Variants in NLGN1 observed in about 807,000 individuals in gnomAD.
NLGN1 encodes neuroligin-1.
A neutral mutation model predicts 65.5 loss-of-function variants in NLGN1; 12 were observed. That is an observed-to-expected ratio of 0.18 (90% CI 0.12 to 0.30). The LOEUF (loss-of-function observed/expected upper bound fraction) is 0.30, where lower values mean the gene tolerates loss of function less well. NLGN1 is among the 10% of genes least tolerant of loss of function. NLGN1 has a pLI of 1.00. For synonymous variants in NLGN1, 350 were observed against 359.5 expected (o/e 0.97, Z 0.30); for missense variants, 750 against 1,007.1 (o/e 0.74, Z 3.46).
chr3:173,809,633 A>G (rs567056545), intron 4 of NLGN1, among the ~76,000 whole-genome samples: 162 of 152,278 alleles, frequency 1.1e-3, no homozygotes, highest in South Asian at 9.7e-3. Context: ...CTGTTTATAT[A>G]AAGCAAGATT....
chr3:174,197,416 C>T lies in NLGN1; in HGVS notation c.647-77899C>T, dbSNP rs983961797. Among the ~76,000 whole-genome samples the T allele has an allele frequency of 3.3e-5, 5 of 149,740 alleles. No individual in the cohort carries two copies. In the Admixed American group the frequency reaches 3.4e-4, roughly 10 times the overall value. On this transcript the variant is annotated intron_variant, in intron 4 of 6. Transcript: ENST00000457714. ...TCAGATACAGAGTGAATAAGTGAGC[C>T]GTACTAGGATAAATGAATTCCAAAT...
chr3:173,798,997 G>C (rs980792337), intron 3 of NLGN1, among the ~76,000 whole-genome samples: 1 of 151,922 alleles, frequency 6.6e-6, no homozygotes, highest in Non-Finnish European at 1.5e-5. Flanking sequence ...TCTCGGAAAA[G>C]ACTTAGAAAT....
chr3:173,873,163 AC>A (rs1311790090), intron 4 of NLGN1, among the ~76,000 whole-genome samples: 1 of 150,908 alleles, frequency 6.6e-6, no homozygotes, highest in East Asian at 2.0e-4. Flanking sequence ...ATGTCAGCTC[AC>A]TGCAACCTCT....
chr3:173,606,101 T>G (rs1751373019), intron 3 of NLGN1, among the ~76,000 whole-genome samples: 1 of 152,108 alleles, frequency 6.6e-6, no homozygotes, highest in Non-Finnish European at 1.5e-5. Context: ...TTATTATTAT[T>G]AAGGTAATAG....
intron 1 of NLGN1, among the ~76,000 whole-genome samples, chr3:173,413,840 G>C (rs1304782864): frequency 1.3e-5 from 2 of 152,128 alleles, no homozygotes; most frequent in Admixed American, 6.5e-5. Flanking sequence ...TGGGCAAAAG[G>C]TTTCAAGAAC....
At chr3:173,902,044 T>C (rs1737476175) in intron 4 of NLGN1, among the ~76,000 whole-genome samples, 1 of 152,150 alleles carries the variant, frequency 6.6e-6, no homozygotes, top group Admixed American at 6.6e-5. Context: ...AAAATTTGGT[T>C]CCCTACACAG....
At chr3:173,503,360 C>T (rs1363466681) in intron 2 of NLGN1, among the ~76,000 whole-genome samples, 1 of 151,962 alleles carries the variant, frequency 6.6e-6, no homozygotes, top group Admixed American at 6.6e-5. Flanking sequence ...GTTCTAAATC[C>T]CTTGGGTGTT....
intron 4 of NLGN1, among the ~76,000 whole-genome samples, chr3:174,104,038 CT>C (rs978043475): frequency 3.3e-5 from 5 of 151,888 alleles, no homozygotes; most frequent in Non-Finnish European, 7.4e-5. Flanking sequence ...TGATATTTTA[CT>C]TTATCTTTTA....
intron 2 of NLGN1, among the ~76,000 whole-genome samples, chr3:173,545,549 T>A (rs991578156): frequency 5.3e-5 from 8 of 152,146 alleles, no homozygotes; most frequent in East Asian, 1.9e-4. Context: ...TTGGTTTTTT[T>A]AAAAATCTGA....
intron 4 of NLGN1, among the ~76,000 whole-genome samples, chr3:174,124,578 T>TATATACGTATATATACGTATACAC (rs1561100221): frequency 7.5e-5 from 6 of 80,462 alleles, no homozygotes; most frequent in African/African-American, 2.4e-4. Flanking sequence ...CGTATACACA[T>TATATACGTATATATACGTATACAC]ATATACGTAT....
At chr3:173,994,236 C>T (rs1390336212) in intron 4 of NLGN1, among the ~76,000 whole-genome samples, 2 of 151,850 alleles carry the variant, frequency 1.3e-5, no homozygotes, top group Admixed American at 1.3e-4. Flanking sequence ...GCCTCCTGAG[C>T]AGCTGAGACT....
intron 2 of NLGN1, among the ~76,000 whole-genome samples, chr3:173,538,879 T>TTC (rs1737911672): frequency 6.6e-6 from 1 of 151,836 alleles, no homozygotes; most frequent in Non-Finnish European, 1.5e-5. Context: ...CATGGTTTTT[T>TTC]TTTTTTTGCT....
At position 174,062,759 on chromosome 3, in the gene NLGN1, A is replaced by G. The variant is rs530935007; in HGVS notation, c.647-212556A>G. 9.9e-5 allele frequency among the ~76,000 whole-genome samples: 15 copies of G among 152,158 alleles called. No individual in the cohort carries two copies. The East Asian group carries it at 2.9e-3, about 29-fold the overall frequency. ...TGTGATGAAAGAAACAATATTTATT[A>G]ATACATTTTTCTTTTATCTCTTTAG... On this transcript the variant is annotated intron_variant, in intron 4 of 6. Transcript: ENST00000457714.
chr3:173,689,537 T>C (rs923811138), intron 3 of NLGN1, among the ~76,000 whole-genome samples: 1 of 152,174 alleles, frequency 6.6e-6, no homozygotes, highest in Non-Finnish European at 1.5e-5. Flanking sequence ...CCACAGTCTT[T>C]TCCTGTAGGC....
At chr3:173,754,532 A>G (rs1203675744) in intron 3 of NLGN1, among the ~76,000 whole-genome samples, 1 of 152,048 alleles carries the variant, frequency 6.6e-6, no homozygotes, top group Non-Finnish European at 1.5e-5. Context: ...CAATATCTCT[A>G]CTAATAGTTC....
chr3:173,983,188 GC>G (rs1719137191), intron 4 of NLGN1, among the ~76,000 whole-genome samples: 1 of 152,126 alleles, frequency 6.6e-6, no homozygotes. Context: ...TTGAAGGGCA[GC>G]ACATTACTTA....
At chr3:173,801,528 T>G (rs1715454513) in intron 3 of NLGN1, among the ~76,000 whole-genome samples, 1 of 152,040 alleles carries the variant, frequency 6.6e-6, no homozygotes, top group South Asian at 2.1e-4. Flanking sequence ...ACTAAAATAT[T>G]TGCCTTATTT....
chr3:173,803,889 T>C (rs1051234734), intron 3 of NLGN1, among the ~76,000 whole-genome samples: 1 of 152,140 alleles, frequency 6.6e-6, no homozygotes, highest in African/African-American at 2.4e-5. Context: ...CTGTTAATTC[T>C]AAAAACTCTA....
At chr3:173,645,199 G>A (rs138456831) in intron 3 of NLGN1, among the ~76,000 whole-genome samples, 8 of 152,296 alleles carry the variant, frequency 5.3e-5, no homozygotes, top group East Asian at 1.9e-4. Flanking sequence ...CTGAGCTGTC[G>A]CTTAAGAGAT....
Sources: gnomAD v4.1 joint callset for allele counts (sites outside exome capture counted in the v4.1 genomes callset) on GRCh38, gnomAD v4.1.1 for gene constraint, MANE v1.5 for transcripts, NCBI Gene and HGNC (gene_info 2026-07-23, HGNC 2026-07-21) for gene names.